Variants in PDE4D observed in about 807,000 individuals in gnomAD.
PDE4D encodes phosphodiesterase 4D, also known as 3',5'-cyclic-AMP phosphodiesterase 4D.
Under a neutral mutation model 87.4 loss-of-function variants are expected in PDE4D, and 24 were observed. The observed-to-expected ratio is 0.27, with a 90% CI of 0.20 to 0.39. PDE4D has a LOEUF of 0.39. PDE4D is among the 10% of genes least tolerant of loss of function. The pLI, the probability that PDE4D is intolerant of heterozygous loss-of-function variation, is 1.00. For synonymous variants in PDE4D, 384 were observed against 383.2 expected (o/e 1.00, Z -0.02); for missense variants, 714 against 1,041.0 (o/e 0.69, Z 4.32).
chr5:59,439,893 C>T (rs780815231), intron 1 of PDE4D, among the ~76,000 whole-genome samples: 2 of 152,156 alleles, frequency 1.3e-5, no homozygotes, highest in Non-Finnish European at 2.9e-5. Flanking sequence ...GGTTGGTACA[C>T]TGCTTGTTAA....
intron 1 of PDE4D, among the ~76,000 whole-genome samples, chr5:59,631,713 G>A (rs1351430630): frequency 6.6e-6 from 1 of 152,214 alleles, no homozygotes; most frequent in Non-Finnish European, 1.5e-5. Flanking sequence ...AAGCTACCCA[G>A]CCCAGATACT....
chr5:59,688,054 C>T (rs930146874), intron 1 of PDE4D, among the ~76,000 whole-genome samples: 1 of 152,118 alleles, frequency 6.6e-6, no homozygotes, highest in African/African-American at 2.4e-5. Flanking sequence ...TACAGGAGCA[C>T]CCAGATTCAT....
At chr5:60,135,685 G>A (rs1439506654) in intron 2 of PDE4D, among the ~76,000 whole-genome samples, 1 of 152,102 alleles carries the variant, frequency 6.6e-6, no homozygotes, top group Non-Finnish European at 1.5e-5. Flanking sequence ...GAGAAGTGAT[G>A]AAGAGAGGAC....
At chr5:59,413,457 C>CAAAAAAAAAA (rs34074485) in intron 1 of PDE4D, among the ~76,000 whole-genome samples, 18 of 54,420 alleles carry the variant, frequency 3.3e-4, no homozygotes, top group African/African-American at 1.2e-3. Flanking sequence ...GACTCCATCT[C>CAAAAAAAAAA]AAAAAAAAAA....
chr5:60,066,509 G>T (rs1772110419), intron 2 of PDE4D, among the ~76,000 whole-genome samples: 1 of 151,902 alleles, frequency 6.6e-6, no homozygotes, highest in African/African-American at 2.4e-5. Flanking sequence ...TCAATTTGGG[G>T]TCTAGAATTA....
intron 3 of PDE4D, among the ~76,000 whole-genome samples, chr5:59,927,646 G>T (rs367647889): frequency 6.6e-6 from 1 of 152,160 alleles, no homozygotes; most frequent in South Asian, 2.1e-4. Flanking sequence ...TTCAGTGCAG[G>T]TGCTAATTAG....
chr5:59,214,483 C>T (rs1239150387), intron 2 of PDE4D, among the ~76,000 whole-genome samples: 1 of 152,152 alleles, frequency 6.6e-6, no homozygotes, highest in Non-Finnish European at 1.5e-5. Context: ...AACTCTCCAT[C>T]TCCTCTCTCT....
intron 1 of PDE4D, among the ~76,000 whole-genome samples, chr5:59,473,454 C>A (rs893450734): frequency 2.0e-5 from 3 of 152,018 alleles, no homozygotes; most frequent in Non-Finnish European, 4.4e-5. Context: ...GTAGACAACA[C>A]CAAGCCACTC....
At chr5:59,546,485 T>G (rs1817285662) in intron 1 of PDE4D, among the ~76,000 whole-genome samples, 1 of 152,164 alleles carries the variant, frequency 6.6e-6, no homozygotes, top group South Asian at 2.1e-4. Flanking sequence ...TGGAAAAGTC[T>G]TATGAATTGG....
intron 5 of PDE4D, among the ~76,000 whole-genome samples, chr5:59,104,145 C>G (rs1299113836): frequency 1.4e-5 from 2 of 147,060 alleles, no homozygotes; most frequent in Non-Finnish European, 3.0e-5. Context: ...TTTGAAAAAA[C>G]AATCAAAATT....
At chr5:59,582,392 G>A (rs1002126375) in intron 1 of PDE4D, among the ~76,000 whole-genome samples, 7 of 152,160 alleles carry the variant, frequency 4.6e-5, no homozygotes, top group Non-Finnish European at 1.0e-4. Context: ...AATGTATGAA[G>A]AGGAGAAAAC....
intron 1 of PDE4D, among the ~76,000 whole-genome samples, chr5:59,355,933 T>A (rs148041191): frequency 0.011 from 1,690 of 152,294 alleles, 12 homozygotes; most frequent in Middle Eastern, 0.02. Context: ...ATGTGCTGCA[T>A]TTGGTCTAAA....
intron 1 of PDE4D, among the ~76,000 whole-genome samples, chr5:59,843,722 G>A (rs1743399737): frequency 6.6e-6 from 1 of 152,032 alleles, no homozygotes; most frequent in Non-Finnish European, 1.5e-5. Context: ...GGCACCTCTA[G>A]CCATCTCTGT....
At chr5:59,618,616 A>C (rs1025029017) in intron 1 of PDE4D, among the ~76,000 whole-genome samples, 1 of 152,184 alleles carries the variant, frequency 6.6e-6, no homozygotes, top group Non-Finnish European at 1.5e-5. Flanking sequence ...TGTGAAAAAC[A>C]GATTAGTGGG....
chr5:59,750,162 C>A (rs994462241), intron 1 of PDE4D, among the ~76,000 whole-genome samples: 1 of 144,392 alleles, frequency 6.9e-6, no homozygotes, highest in African/African-American at 2.6e-5. Context: ...ACCTGGGTTA[C>A]TTCAATAGTT....
intron 1 of PDE4D, among the ~76,000 whole-genome samples, chr5:60,390,827 T>G (rs1762515472): frequency 6.6e-6 from 1 of 152,126 alleles, no homozygotes; most frequent in Non-Finnish European, 1.5e-5. Flanking sequence ...CTCAGAGCCT[T>G]TGCATTTCCT....
At chr5:60,316,513 T>C (rs1755616260) in intron 1 of PDE4D, among the ~76,000 whole-genome samples, 1 of 152,168 alleles carries the variant, frequency 6.6e-6, no homozygotes, top group African/African-American at 2.4e-5. Flanking sequence ...CCAGAACTTC[T>C]AACACTATGT....
intron 2 of PDE4D, among the ~76,000 whole-genome samples, chr5:60,039,527 T>C (rs1487232669): frequency 1.3e-5 from 2 of 151,748 alleles, no homozygotes; most frequent in East Asian, 3.9e-4. Flanking sequence ...ATGGCACATG[T>C]ATACACATGT....
intron 1 of PDE4D, among the ~76,000 whole-genome samples, chr5:60,417,836 G>C (rs971792137): frequency 6.6e-6 from 1 of 151,966 alleles, no homozygotes; most frequent in Non-Finnish European, 1.5e-5. Context: ...ACAAACACAT[G>C]AGAAATGTCC....
Sources: allele counts gnomAD v4.1 joint callset (sites outside exome capture counted in the v4.1 genomes callset), GRCh38; gene constraint gnomAD v4.1.1; transcripts MANE v1.5; gene names NCBI Gene and HGNC (gene_info 2026-07-23, HGNC 2026-07-21).